COPRS: variants seen among roughly 807,000 people sequenced by gnomAD.
The protein encoded by COPRS is coordinator of PRMT5 and differentiation stimulator, also known as cooperator of PRMT5.
A neutral mutation model predicts 19.9 loss-of-function variants in COPRS; 11 were observed. The observed-to-expected ratio is 0.55, with a 90% CI of 0.35 to 0.92. The LOEUF (loss-of-function observed/expected upper bound fraction) is 0.92. COPRS is among the 40% of genes least tolerant of loss of function. The pLI, the probability that COPRS is intolerant of heterozygous loss-of-function variation, is 0.01. For synonymous variants in COPRS, 81 were observed against 82.7 expected, an observed-to-expected ratio of 0.98 and a Z score of 0.11; for missense variants, 225 against 229.9, an observed-to-expected ratio of 0.98 and a Z score of 0.14.
rs539482681 is a variant in COPRS at position 31,852,887 on chromosome 17, G to A, written c.310C>T (p.Pro104Ser). Residue 104 changes from proline to serine, a missense_variant, in exon 3 of 4, where the codon CCC becomes TCC. Physicochemically the swap from Pro to Ser is moderately conservative, Grantham distance 74. Transcript: ENST00000302362. ...AAAAGATCGCCAGGCTGTTCCTTGG[G>A]TGGACAGTTTGTCCCTTCTGACAGC... ...WELSEGTNCP[P>S]KEQPGDLFNE... is the part of the protein sequence containing the mutation. The A allele has an allele frequency of 2.4e-5, 38 of 1,614,156 alleles. No homozygotes were observed. The highest frequency in any genetic ancestry group is 3.1e-5 in the Non-Finnish European group (37 of 1,179,988).
At chr17:31,858,818 C>A in intron 1 of COPRS, 1 of 1,550,290 alleles carries the variant, frequency 6.5e-7, no homozygotes, top group Non-Finnish European at 8.7e-7. Context: ...CGTCACCTCC[C>A]ATTTACCAAA....
At chr17:31,859,026 C>A in intron 1 of COPRS, 75 bp downstream of exon 1, 1 of 1,187,534 alleles carries the variant, frequency 8.4e-7, no homozygotes, top group African/African-American at 1.6e-5. Flanking sequence ...CCGCGGCCCC[C>A]GCCCAGCCCG....
At chr17:31,852,354 G>A in intron 3 of COPRS, 46 bp from the exon 4 acceptor site, 1 of 1,504,636 alleles carries the variant, frequency 6.6e-7, no homozygotes, top group South Asian at 1.2e-5. Flanking sequence ...AAGGAGGGAA[G>A]GAAGGAAGGT....
intron 2 of COPRS, among the ~76,000 whole-genome samples, chr17:31,856,064 G>A (rs1050860793): frequency 1.3e-5 from 2 of 151,700 alleles, no homozygotes; most frequent in African/African-American, 4.8e-5. Context: ...CACTTTGGGA[G>A]CGTGGGCTCA....
intron 2 of COPRS, among the ~76,000 whole-genome samples, chr17:31,854,025 G>T (rs1909246584): frequency 6.6e-6 from 1 of 152,020 alleles, no homozygotes; most frequent in South Asian, 2.1e-4. Flanking sequence ...CAGAGCAAGG[G>T]GTCTAAAGCC....
At chr17:31,854,487 A>G (rs1909267167) in intron 2 of COPRS, among the ~76,000 whole-genome samples, 1 of 152,182 alleles carries the variant, frequency 6.6e-6, no homozygotes, top group African/African-American at 2.4e-5. Flanking sequence ...AAAGAACTGA[A>G]AACAGCTGTT....
intron 1 of COPRS, chr17:31,858,840 G>C (rs1598087213): frequency 6.5e-7 from 1 of 1,548,252 alleles, no homozygotes; most frequent in African/African-American, 1.4e-5. Flanking sequence ...CCGCAGCGGC[G>C]CCCAGCGGGC....
chr17:31,859,123 C>A lies in COPRS; in HGVS notation c.77G>T (p.Arg26Leu). 9.2e-7 allele frequency: 1 copy of A among 1,088,192 alleles called. No individual in the cohort carries two copies. Among genetic ancestry groups the A allele is most frequent in the Non-Finnish European group, 1.1e-6 (1 of 899,488 alleles). 67.4% of individuals were successfully genotyped at this position (1,088,192 alleles called of 1,614,324 possible). The change falls in exon 1 of 4, where the codon CGG becomes CTG. Residue 26 changes from arginine to leucine, a missense_variant. Transcript: ENST00000302362. ...CACCTCCGGGCTGGGGGGCGCCCCCCGCGCGCTAGGCAGCGGCGGGCCCCG... is the reference window on the plus strand; with the variant it reads ...CACCTCCGGGCTGGGGGGCGCCCCCAGCGCGCTAGGCAGCGGCGGGCCCCG... ...PSRGPPLPSA[R>L]GAPPSPEAGF...
Position 31,852,243 on chromosome 17 carries a change from C to T in COPRS, c.451G>A (p.Gly151Arg). The T allele has an allele frequency of 6.2e-7, 1 of 1,614,058 alleles. No homozygotes were observed. The highest frequency in any genetic ancestry group is 8.5e-7 in the Non-Finnish European group (1 of 1,179,984). ...LKPWVCCAPQGDMIYDPSWHH... is the reference protein window; with the variant it reads ...LKPWVCCAPQRDMIYDPSWHH... ...CAGCTGGGGTCATAGATCATGTCTC[C>T]TTGTGGGGCACAGCACACCCAAGGT... Residue 151 changes from glycine (G) to arginine (R), a missense_variant, in exon 4 of 4, where the codon GGA becomes AGA. This residue lies in a region of COPRS where 170 missense variants were observed against 171.4 expected (regional missense o/e 0.99). Coordinates refer to ENST00000302362, the MANE Select transcript of COPRS (RefSeq NM_018405.4).
intron 2 of COPRS, chr17:31,856,584 C>T (rs757273288): frequency 1.2e-5 from 7 of 608,288 alleles, no homozygotes; most frequent in Admixed American, 2.9e-5. Context: ...CTGTTTCTCT[C>T]GGTAGAAGGA....
intron 1 of COPRS, chr17:31,858,767 G>A (rs1466723286): frequency 1.3e-6 from 2 of 1,550,530 alleles, no homozygotes; most frequent in Non-Finnish European, 8.7e-7. Context: ...CCTGGCCCTC[G>A]CCCAGGCTCC....
At chr17:31,856,498 C>A in intron 2 of COPRS, 1 of 390,150 alleles carries the variant, frequency 2.6e-6, no homozygotes. Context: ...TTCAGGCATC[C>A]ATTGGGGCGG....
At chr17:31,856,753 C>T in intron 2 of COPRS, 46 bp downstream of exon 2, 18 of 1,171,802 alleles carry the variant, frequency 1.5e-5, no homozygotes, top group Non-Finnish European at 2.2e-5. Flanking sequence ...TATTCCTCTC[C>T]TCACATCCTT....
In COPRS at chr17:31,855,677, C is replaced by T. The variant is rs1386774906; in HGVS notation, c.166+1122G>A. Among the ~76,000 whole-genome samples, 3 of 144,522 alleles carry T rather than the reference C, an allele frequency of 2.1e-5. No homozygotes were observed. In the East Asian group the frequency reaches 6.2e-4, roughly 30 times the overall value. The allele number at this position is 144,522 out of a possible 152,430, so 94.8% of individuals were successfully genotyped here. On this transcript the variant is annotated intron_variant, in intron 2 of 3. Transcript: ENST00000302362. ...CTCCAGCCTGGGTGACAGAGTGAGA[C>T]TCCATCTCAAAAAAAAAAAAGAAAA...
At chr17:31,856,750 C>T (rs780255633) in intron 2 of COPRS, 49 bp downstream of exon 2, 19 of 1,111,164 alleles carry the variant, frequency 1.7e-5, no homozygotes, top group South Asian at 1.5e-4. Context: ...GACTATTCCT[C>T]TCCTCACATC....
chr17:31,852,666 G>T, intron 3 of COPRS, 146 bp downstream of exon 3: 1 of 708,922 alleles, frequency 1.4e-6, no homozygotes, highest in Admixed American at 2.6e-5. Context: ...ATATAAAAGA[G>T]AAGGTGTCAC....
intron 1 of COPRS, among the ~76,000 whole-genome samples, chr17:31,858,068 A>C (rs1302634189): frequency 6.6e-6 from 1 of 152,150 alleles, no homozygotes; most frequent in Admixed American, 6.6e-5. Context: ...GCCTTACAGA[A>C]TTAATCACTA....
chr17:31,852,811 C>T lies in COPRS; in HGVS notation c.385+1G>A. The T allele has an allele frequency of 1.2e-6, 2 of 1,609,634 alleles. No individual in the cohort carries two copies. Among genetic ancestry groups the T allele is most frequent in the Non-Finnish European group, 1.7e-6 (2 of 1,175,960 alleles). ...AGGACCCCCAGAGACTCCACACCTA[C>T]CATATGGATTCCCTTGATCTGCTTT... is the stretch of plus-strand genomic sequence containing the variant. On this transcript the variant is annotated splice_donor_variant, in intron 3 of 3. Transcript: ENST00000302362. LOFTEE classifies it high-confidence loss of function.
At position 31,852,955 on chromosome 17, in the gene COPRS, G is replaced by A. The variant is rs1040039358; in HGVS notation, c.242C>T (p.Ala81Val). Residue 81 changes from alanine (A) to valine (V), a missense_variant, in exon 3 of 4, where the codon GCC (alanine) becomes GTC (valine). Around this residue, in one of 3 missense-constraint regions of COPRS, gnomAD observed 170 missense variants for 171.4 expected, o/e 0.99. Coordinates refer to ENST00000302362, the MANE Select transcript of COPRS (RefSeq NM_018405.4). ...EGTHSEEEGF[A>V]MDEEDSDGEL... ...TCCATCAGAGTCCTCCTCATCCATG[G>A]CAAAGCCTTCCTCTTCAGAATGGGT... 8 of 1,614,000 alleles carry A rather than the reference G, an allele frequency of 5.0e-6. No individual in the cohort carries two copies. The highest frequency in any genetic ancestry group is 6.8e-6 in the Non-Finnish European group (8 of 1,179,882).
Sources: allele counts gnomAD v4.1 joint callset (sites outside exome capture counted in the v4.1 genomes callset), GRCh38; gene constraint gnomAD v4.1.1; regional missense constraint gnomAD v4.1.1; transcripts MANE v1.5; gene names NCBI Gene and HGNC (gene_info 2026-07-23, HGNC 2026-07-21).